The following ANKH variants were observed in gnomAD, a reference collection of about 807,000 sequenced individuals.
ANKH encodes ANKH inorganic pyrophosphate transport regulator.
In ANKH, 15 loss-of-function variants were observed where a neutral mutation model predicts 49.0. That is an observed-to-expected ratio of 0.31 (90% CI 0.20 to 0.47). The LOEUF (loss-of-function observed/expected upper bound fraction) is 0.47. Among genes scored for constraint, ANKH ranks in the 20% least tolerant of loss-of-function variants. ANKH has a pLI of 1.00. For synonymous variants in ANKH, 273 were observed against 260.0 expected (o/e 1.05, Z -0.48); for missense variants, 429 against 652.0 (o/e 0.66, Z 3.72).
At chr5:14,798,250 G>T in intron 1 of ANKH, 1 of 1,605,230 alleles carries the variant, frequency 6.2e-7, no homozygotes, top group South Asian at 1.1e-5. Flanking sequence ...GTTACATCTG[G>T]AAGCCACTGG....
chr5:14,712,461 T>TG (rs1377649364), intron 11 of ANKH, among the ~76,000 whole-genome samples: 1 of 152,264 alleles, frequency 6.6e-6, no homozygotes, highest in Non-Finnish European at 1.5e-5. Flanking sequence ...CCAGAGAGGC[T>TG]GCCCGAGCTC....
At chr5:14,800,956 G>A (rs1246341216) in intron 1 of ANKH, among the ~76,000 whole-genome samples, 1 of 151,992 alleles carries the variant, frequency 6.6e-6, no homozygotes. Context: ...AAACTCCTGG[G>A]CTCAAGCAAT....
intron 1 of ANKH, among the ~76,000 whole-genome samples, chr5:14,832,275 G>A (rs908632990): frequency 6.6e-6 from 1 of 152,168 alleles, no homozygotes; most frequent in African/African-American, 2.4e-5. Context: ...AAAAGTTGCT[G>A]CCACAGACAA....
chr5:14,813,711 C>T (rs1740952324), intron 1 of ANKH, among the ~76,000 whole-genome samples: 1 of 152,178 alleles, frequency 6.6e-6, no homozygotes, highest in South Asian at 2.1e-4. Flanking sequence ...AGCCATCAAT[C>T]CAGCTCCAGC....
At chr5:14,779,274 C>G (rs181970476) in intron 1 of ANKH, among the ~76,000 whole-genome samples, 1 of 152,258 alleles carries the variant, frequency 6.6e-6, no homozygotes, top group Non-Finnish European at 1.5e-5. Flanking sequence ...TCATTTTTGT[C>G]TGATCTTTGC....
chr5:14,820,611 G>A (rs1741171941), intron 1 of ANKH, among the ~76,000 whole-genome samples: 1 of 152,198 alleles, frequency 6.6e-6, no homozygotes, highest in Non-Finnish European at 1.5e-5. Flanking sequence ...GTGGGGAAAT[G>A]AGGAACTTGA....
intron 1 of ANKH, among the ~76,000 whole-genome samples, chr5:14,783,688 G>GATATACCTAAT (rs1345030862): frequency 1.4e-4 from 21 of 152,070 alleles, no homozygotes; most frequent in African/African-American, 4.8e-4. Context: ...TGATATCCAT[G>GATATACCTAAT]GTTTATACCT....
intron 1 of ANKH, among the ~76,000 whole-genome samples, chr5:14,803,434 C>T (rs924936720): frequency 3.3e-5 from 5 of 152,222 alleles, no homozygotes; most frequent in African/African-American, 9.6e-5. Context: ...CACGCACCAC[C>T]ACTCCCAACT....
intron 1 of ANKH, among the ~76,000 whole-genome samples, chr5:14,852,299 G>A (rs1742141861): frequency 6.6e-6 from 1 of 152,034 alleles, no homozygotes; most frequent in Non-Finnish European, 1.5e-5. Context: ...AGAAAGAAAT[G>A]GAATGCTCCT....
intron 1 of ANKH, among the ~76,000 whole-genome samples, chr5:14,854,827 G>A (rs1580119427): frequency 6.6e-6 from 1 of 152,084 alleles, no homozygotes; most frequent in South Asian, 2.1e-4. Flanking sequence ...CCCTGAACCA[G>A]GCCACAGCTG....
At chr5:14,727,634 A>G (rs1448293371) in intron 8 of ANKH, among the ~76,000 whole-genome samples, 1 of 152,034 alleles carries the variant, frequency 6.6e-6, no homozygotes, top group Non-Finnish European at 1.5e-5. Flanking sequence ...GACTATTGAT[A>G]AAGTTCCACA....
At chr5:14,782,222 AATG>A (rs1310064934) in intron 1 of ANKH, among the ~76,000 whole-genome samples, 1 of 152,164 alleles carries the variant, frequency 6.6e-6, no homozygotes, top group South Asian at 2.1e-4. Flanking sequence ...TGACCATGAT[AATG>A]ATGATGATGA....
At chr5:14,766,960 C>G (rs16903698) in intron 2 of ANKH, among the ~76,000 whole-genome samples, 2,742 of 152,264 alleles carry the variant, frequency 0.018, 81 homozygotes, top group African/African-American at 0.063. Flanking sequence ...CAGGAGCTGA[C>G]TGCTGAAGTA....
chr5:14,816,358 T>A (rs1049219876), intron 1 of ANKH, among the ~76,000 whole-genome samples: 4 of 152,150 alleles, frequency 2.6e-5, no homozygotes, highest in Admixed American at 2.6e-4. Flanking sequence ...TGGGTCTAAT[T>A]GTAATTTCTT....
intron 1 of ANKH, among the ~76,000 whole-genome samples, chr5:14,793,689 GA>G (rs1395843930): frequency 3.3e-5 from 5 of 152,206 alleles, no homozygotes; most frequent in African/African-American, 1.2e-4. Context: ...TTGCCTTGGA[GA>G]AACCCAGTCC....
chr5:14,741,713 T>TAA, intron 8 of ANKH, 114 bp downstream of exon 8: 1 of 781,394 alleles, frequency 1.3e-6, no homozygotes, highest in Admixed American at 2.1e-5. Flanking sequence ...GATTGCTAAT[T>TAA]AATCCAGCAT....
chr5:14,809,728 C>T (rs1250479518), intron 1 of ANKH, among the ~76,000 whole-genome samples: 1 of 152,130 alleles, frequency 6.6e-6, no homozygotes, highest in Non-Finnish European at 1.5e-5. Flanking sequence ...CTGCATTTCC[C>T]AGACCTTTCA....
At chr5:14,741,991 G>A in intron 7 of ANKH, 69 bp from the exon 8 acceptor site, 1 of 1,181,656 alleles carries the variant, frequency 8.5e-7, no homozygotes, top group South Asian at 1.2e-5. Flanking sequence ...GGGGGATCTT[G>A]AAGAGCATCT....
rs923382842 is a variant in ANKH, at chr5:14,707,223, A to C, written c.*3974T>G. 5.3e-5 allele frequency: 8 copies of C among 152,180 alleles called. No homozygotes were observed. The highest frequency in any genetic ancestry group is 5.2e-4 in the Admixed American group (8 of 15,284). 9.4% of individuals were successfully genotyped at this position (152,180 alleles called of 1,614,324 possible). A position where few individuals can be genotyped will look rare whatever the true frequency, so the allele number is the denominator to read the frequency against. On this transcript the variant is annotated 3_prime_UTR_variant, in exon 12 of 12. Transcript: ENST00000284268. ...AATACAAGAAAATATTTCTCAAGGA[A>C]ATGTAATTACAACACTATAAATACT...
Sources: gnomAD v4.1 joint callset for allele counts (sites outside exome capture counted in the v4.1 genomes callset) on GRCh38, gnomAD v4.1.1 for gene constraint, MANE v1.5 for transcripts, NCBI Gene and HGNC (gene_info 2026-07-23, HGNC 2026-07-21) for gene names.